ASPH: variants seen among roughly 807,000 people sequenced by gnomAD.
ASPH encodes aspartyl/asparaginyl beta-hydroxylase.
ASPH carries 100 observed loss-of-function variants against 118.4 expected under a neutral mutation model. The ratio of observed to expected loss-of-function variants is 0.84; its 90% CI spans 0.72 to 1.00. The LOEUF (loss-of-function observed/expected upper bound fraction) is 1.00. Among genes scored for constraint, ASPH ranks in the 50% least tolerant of loss-of-function variants. ASPH has a pLI of 0.00. For synonymous variants in ASPH, 315 were observed against 325.6 expected (o/e 0.97, Z 0.35); for missense variants, 920 against 919.5 (o/e 1.00, Z -0.01).
intron 3 of ASPH, chr8:61,680,712 AAC>A (rs2151614624): frequency 7.8e-6 from 2 of 257,364 alleles, no homozygotes; most frequent in East Asian, 1.4e-4. Context: ...TAAATCTGGA[AAC>A]ACACATGAAA....
intron 14 of ASPH, among the ~76,000 whole-genome samples, chr8:61,600,322 G>C (rs1475959099): frequency 1.4e-5 from 2 of 147,550 alleles, no homozygotes; most frequent in African/African-American, 5.4e-5. Context: ...ACTGAAATAA[G>C]AAAAAGGTGT....
intron 22 of ASPH, among the ~76,000 whole-genome samples, chr8:61,520,803 CA>C (rs1260405518): frequency 6.6e-6 from 1 of 152,140 alleles, no homozygotes; most frequent in African/African-American, 2.4e-5. Context: ...CTGGAGTTCT[CA>C]CAAGCACCAG....
chr8:61,664,308 GC>G, intron 3 of ASPH: 1 of 970,672 alleles, frequency 1.0e-6, no homozygotes, highest in Non-Finnish European at 1.2e-6. Flanking sequence ...AAAAATGTAT[GC>G]CATTCAACCA....
intron 1 of ASPH, among the ~76,000 whole-genome samples, chr8:61,692,235 TATC>T (rs1461396874): frequency 1.3e-5 from 2 of 152,234 alleles, no homozygotes; most frequent in African/African-American, 4.8e-5. Context: ...CCCTCTGAAA[TATC>T]ATTTAATCTA....
chr8:61,550,532 C>A (rs1050431694), intron 20 of ASPH, among the ~76,000 whole-genome samples: 1 of 151,610 alleles, frequency 6.6e-6, no homozygotes, highest in Non-Finnish European at 1.5e-5. Flanking sequence ...ATGACTGGAT[C>A]CCAGAAAAGC....
chr8:61,567,409 T>C (rs1832069942), intron 16 of ASPH, 91 bp from the exon 17 acceptor site: 2 of 1,368,396 alleles, frequency 1.5e-6, no homozygotes, highest in African/African-American at 2.9e-5. Context: ...CTTTTGGACA[T>C]GCTTTAAAAG....
At chr8:61,672,234 T>A (rs901440953) in intron 3 of ASPH, among the ~76,000 whole-genome samples, 1 of 151,568 alleles carries the variant, frequency 6.6e-6, no homozygotes, top group African/African-American at 2.4e-5. Context: ...AATAATATAG[T>A]ACAGATTAAA....
At chr8:61,585,302 C>G (rs1839058716) in intron 14 of ASPH, among the ~76,000 whole-genome samples, 2 of 152,154 alleles carry the variant, frequency 1.3e-5, no homozygotes, top group African/African-American at 4.8e-5. Context: ...TCAGAAGCCC[C>G]AAGTGACAAG....
chr8:61,581,741 T>A (rs1489484702), intron 15 of ASPH, among the ~76,000 whole-genome samples: 1 of 152,212 alleles, frequency 6.6e-6, no homozygotes, highest in Non-Finnish European at 1.5e-5. Flanking sequence ...ACATTTTCTT[T>A]ACTCCCTCCC....
intron 1 of ASPH, among the ~76,000 whole-genome samples, chr8:61,695,369 C>T (rs1401819411): frequency 6.6e-6 from 1 of 152,192 alleles, no homozygotes; most frequent in Non-Finnish European, 1.5e-5. Context: ...TGATGGGGCC[C>T]CAGCCCGTGG....
intron 3 of ASPH, chr8:61,659,119 T>C (rs1815373525): frequency 6.6e-6 from 1 of 152,252 alleles, no homozygotes; most frequent in African/African-American, 2.4e-5. Flanking sequence ...CAGGAGCACG[T>C]TCTAGGCAGA....
intron 15 of ASPH, chr8:61,578,832 A>G (rs527739690): frequency 5.0e-6 from 8 of 1,612,178 alleles, no homozygotes; most frequent in Non-Finnish European, 6.8e-6. Context: ...TGAAGCTTAC[A>G]TGAACAAGGT....
intron 14 of ASPH, among the ~76,000 whole-genome samples, chr8:61,595,936 A>G (rs927430960): frequency 6.6e-6 from 1 of 152,146 alleles, no homozygotes. Context: ...GGGGATCTGA[A>G]GATAGATCCA....
intron 5 of ASPH, among the ~76,000 whole-genome samples, chr8:61,650,294 C>CA (rs1387402130): frequency 5.9e-5 from 9 of 151,932 alleles, no homozygotes; most frequent in East Asian, 1.9e-4. Context: ...CATCCACTGG[C>CA]AAAAAACAGT....
intron 13 of ASPH, chr8:61,625,985 A>G: frequency 1.7e-6 from 2 of 1,177,914 alleles, no homozygotes; most frequent in East Asian, 3.8e-5. Flanking sequence ...AGGTAAGACT[A>G]AAAGCTGTCT....
chr8:61,553,374 CT>C (rs1328352420), intron 19 of ASPH, among the ~76,000 whole-genome samples: 1 of 152,296 alleles, frequency 6.6e-6, no homozygotes, highest in African/African-American at 2.4e-5. Flanking sequence ...TAGTATGATA[CT>C]TTGTGTACCT....
At chr8:61,681,490 C>A (rs1828033124) in intron 2 of ASPH, among the ~76,000 whole-genome samples, 1 of 151,450 alleles carries the variant, frequency 6.6e-6, no homozygotes, top group Non-Finnish European at 1.5e-5. Flanking sequence ...CAAATAAAGA[C>A]CAAATGTAAA....
At chr8:61,513,555 T>C (rs928113371) in intron 24 of ASPH, among the ~76,000 whole-genome samples, 1 of 152,216 alleles carries the variant, frequency 6.6e-6, no homozygotes, top group Non-Finnish European at 1.5e-5. Flanking sequence ...AGGACCCCTG[T>C]GCTCAGCAAC....
chr8:61,685,211 T>C (rs1269838761), intron 1 of ASPH, among the ~76,000 whole-genome samples: 2 of 152,090 alleles, frequency 1.3e-5, no homozygotes, highest in African/African-American at 4.8e-5. Flanking sequence ...GTTCCTCACA[T>C]TGCAAGATTT....
Sources: allele counts gnomAD v4.1 joint callset (sites outside exome capture counted in the v4.1 genomes callset), GRCh38; gene constraint gnomAD v4.1.1; transcripts MANE v1.5; gene names NCBI Gene and HGNC (gene_info 2026-07-23, HGNC 2026-07-21).